Variants in MARCHF1 observed in about 807,000 individuals in gnomAD.
MARCHF1 encodes E3 ubiquitin-protein ligase MARCHF1.
MARCHF1 carries 40 observed loss-of-function variants against 54.2 expected under a neutral mutation model. The observed-to-expected ratio is 0.74, with a 90% CI of 0.57 to 0.96. The LOEUF (loss-of-function observed/expected upper bound fraction) is 0.96, where lower values mean the gene tolerates loss of function less well. Among genes scored for constraint, MARCHF1 ranks in the 40% least tolerant of loss-of-function variants. The probability of loss-of-function intolerance (pLI) is 0.00; values close to 1 mark genes in which losing one functional copy is unlikely to be tolerated. For synonymous variants in MARCHF1, 236 were observed against 236.3 expected (o/e 1.00, Z 0.01); for missense variants, 586 against 656.5 (o/e 0.89, Z 1.17).
At chr4:163,831,043 T>G (rs17044211) in intron 4 of MARCHF1, among the ~76,000 whole-genome samples, 9,881 of 152,276 alleles carry the variant, frequency 0.065, 363 homozygotes, top group African/African-American at 0.093. Flanking sequence ...AATACTTTCC[T>G]TGGTGGGTCA....
At chr4:164,084,841 C>A (rs1195079766) in intron 2 of MARCHF1, among the ~76,000 whole-genome samples, 1 of 151,676 alleles carries the variant, frequency 6.6e-6, no homozygotes, top group African/African-American at 2.4e-5. Context: ...AAAGAACAAA[C>A]CACATTGATG....
chr4:163,745,249 T>C (rs62333006), intron 4 of MARCHF1, among the ~76,000 whole-genome samples: 42,313 of 151,686 alleles, frequency 0.28, 7,226 homozygotes, highest in Non-Finnish European at 0.39. Context: ...GTAGCTGGGA[T>C]TACAGGTGCC....
chr4:163,771,074 A>G (rs143892244), intron 4 of MARCHF1, among the ~76,000 whole-genome samples: 2 of 152,352 alleles, frequency 1.3e-5, no homozygotes, highest in Non-Finnish European at 2.9e-5. Context: ...ATAGAAAAAT[A>G]GTGACCAAAT....
intron 4 of MARCHF1, among the ~76,000 whole-genome samples, chr4:163,720,653 T>C (rs1010414011): frequency 6.6e-6 from 1 of 152,172 alleles, no homozygotes; most frequent in Non-Finnish European, 1.5e-5. Context: ...ATTCTTCCTA[T>C]CCATGAACAT....
chr4:164,277,989 G>C (rs994867037), intron 1 of MARCHF1, among the ~76,000 whole-genome samples: 1 of 152,148 alleles, frequency 6.6e-6, no homozygotes, highest in African/African-American at 2.4e-5. Context: ...GAAAAGGAAG[G>C]CTTCAAACTA....
chr4:164,290,737 TACTTC>T (rs1298077162), intron 1 of MARCHF1, among the ~76,000 whole-genome samples: 3 of 151,988 alleles, frequency 2.0e-5, no homozygotes, highest in Non-Finnish European at 2.9e-5. Context: ...AAAGTATTCA[TACTTC>T]ACTTTAATGA....
chr4:164,322,877 G>C (rs1735178193), intron 1 of MARCHF1, among the ~76,000 whole-genome samples: 1 of 151,842 alleles, frequency 6.6e-6, no homozygotes, highest in Non-Finnish European at 1.5e-5. Context: ...TTTAAGAGTA[G>C]ACATCATGTC....
At chr4:163,822,513 TA>T (rs1748721983) in intron 4 of MARCHF1, among the ~76,000 whole-genome samples, 1 of 151,916 alleles carries the variant, frequency 6.6e-6, no homozygotes, top group Admixed American at 6.6e-5. Context: ...CGATTCTTTT[TA>T]AAAAATAATT....
chr4:163,879,819 G>GTGTGTGTA (rs1440518501), intron 3 of MARCHF1, among the ~76,000 whole-genome samples: 1 of 151,700 alleles, frequency 6.6e-6, no homozygotes, highest in African/African-American at 2.4e-5. Flanking sequence ...GTGTGTGTGT[G>GTGTGTGTA]TGTGTGTGTG....
intron 1 of MARCHF1, among the ~76,000 whole-genome samples, chr4:164,175,280 TA>T (rs1166370859): frequency 6.6e-6 from 1 of 152,222 alleles, no homozygotes; most frequent in Non-Finnish European, 1.5e-5. Context: ...TTTATGCATC[TA>T]AAAAGCTAAG....
At chr4:163,973,651 A>G (rs1019658660) in intron 3 of MARCHF1, among the ~76,000 whole-genome samples, 1 of 152,240 alleles carries the variant, frequency 6.6e-6, no homozygotes, top group South Asian at 2.1e-4. Flanking sequence ...ATAGCCACAT[A>G]GAATAAATCC....
intron 1 of MARCHF1, among the ~76,000 whole-genome samples, chr4:164,228,970 A>G (rs765947956): frequency 4.6e-5 from 7 of 152,184 alleles, no homozygotes; most frequent in Admixed American, 1.3e-4. Context: ...AGGGGAAAGC[A>G]TAGCTTTGTG....
chr4:163,988,964 A>T (rs2110887938), intron 2 of MARCHF1: 1 of 152,220 alleles, frequency 6.6e-6, no homozygotes, highest in Non-Finnish European at 1.5e-5. Context: ...ACTGTCATGG[A>T]AACCAAGGAA....
Position 163,926,166 on chromosome 4 carries a change from C to G in MARCHF1, c.-39+62335G>C, listed in dbSNP as rs1008908516. ...CATCCAGTTAACAACCTCCTTTGTC[C>G]CACAAAGGCAGCCATTATTCTGACT... On this transcript the variant is annotated intron_variant, in intron 3 of 9. Transcript: ENST00000514618. Among the ~76,000 whole-genome samples the G allele has an allele frequency of 2.9e-4, 44 of 151,558 alleles. 1 individual carries two copies. The highest frequency in any genetic ancestry group is 5.9e-4 in the Non-Finnish European group (40 of 67,666).
chr4:164,205,407 G>A (rs1391497171), intron 1 of MARCHF1, among the ~76,000 whole-genome samples: 1 of 152,152 alleles, frequency 6.6e-6, no homozygotes, highest in African/African-American at 2.4e-5. Context: ...GAGTCATATA[G>A]TGGAACCTGG....
chr4:163,782,652 G>C (rs190049971), intron 4 of MARCHF1, among the ~76,000 whole-genome samples: 1 of 127,150 alleles, frequency 7.9e-6, no homozygotes, highest in Non-Finnish European at 1.6e-5. Flanking sequence ...CTCAGTGACA[G>C]AGTGAGACTC....
intron 4 of MARCHF1, among the ~76,000 whole-genome samples, chr4:163,716,807 A>C (rs970843512): frequency 6.6e-6 from 1 of 152,174 alleles, no homozygotes; most frequent in African/African-American, 2.4e-5. Flanking sequence ...GGTTCCACAA[A>C]CTATTACAAA....
At chr4:164,159,861 C>T (rs12510618) in intron 1 of MARCHF1, among the ~76,000 whole-genome samples, 56,423 of 151,956 alleles carry the variant, frequency 0.37, 12,055 homozygotes, top group Non-Finnish European at 0.49. Context: ...GTAAATGGTA[C>T]CTCTTCTCTG....
rs372648209 is a variant in MARCHF1 at position 164,335,512 on chromosome 4, G to A, written c.-323+48358C>T. Among the ~76,000 whole-genome samples, 68 of 151,868 alleles carry A rather than the reference G, an allele frequency of 4.5e-4. No individual in the cohort carries two copies. In the East Asian group the frequency reaches 9.3e-3, roughly 21 times the overall value. Reference sequence around the variant, plus strand: ...CAGGAGAATGGCGTGAACCCGGGAGGCGGAGCTTGCAGTGAGCCGAGATTG... The same window carrying A: ...CAGGAGAATGGCGTGAACCCGGGAGACGGAGCTTGCAGTGAGCCGAGATTG... On this transcript the variant is annotated intron_variant, in intron 1 of 9. Coordinates refer to ENST00000514618, the MANE Select transcript of MARCHF1 (RefSeq NM_001394959.1).
Sources: allele counts gnomAD v4.1 joint callset (sites outside exome capture counted in the v4.1 genomes callset), GRCh38; gene constraint gnomAD v4.1.1; transcripts MANE v1.5; gene names NCBI Gene and HGNC (gene_info 2026-07-23, HGNC 2026-07-21).